Variants in HERPUD2 observed in about 807,000 individuals in gnomAD.
HERPUD2 encodes homocysteine-responsive endoplasmic reticulum-resident ubiquitin-like domain member 2 protein.
In HERPUD2, 13 loss-of-function variants were observed where a neutral mutation model predicts 49.9. The observed-to-expected ratio is 0.26, with a 90% CI of 0.17 to 0.41. The LOEUF (loss-of-function observed/expected upper bound fraction) is 0.41, where lower values mean the gene tolerates loss of function less well. Among genes scored for constraint, HERPUD2 ranks in the 10% least tolerant of loss-of-function variants. The pLI, the probability that HERPUD2 is intolerant of heterozygous loss-of-function variation, is 1.00. For synonymous variants in HERPUD2, 172 were observed against 171.4 expected (o/e 1.00, Z -0.03); for missense variants, 449 against 492.2 (o/e 0.91, Z 0.83).
intron 5 of HERPUD2, among the ~76,000 whole-genome samples, chr7:35,646,986 CAAG>C (rs371104447): frequency 1.4e-4 from 15 of 103,646 alleles, no homozygotes; most frequent in African/African-American, 3.8e-4. Flanking sequence ...AAAAAAAAAC[CAAG>C]AAGGAGAAAG....
chr7:35,654,163 T>C (rs150917218), intron 5 of HERPUD2, among the ~76,000 whole-genome samples: 7 of 150,712 alleles, frequency 4.6e-5, no homozygotes, highest in Middle Eastern at 3.4e-3. Context: ...CCCCAAGAAC[T>C]AGAAAAGCAA....
chr7:35,681,631 C>T (rs1236300096), intron 2 of HERPUD2, among the ~76,000 whole-genome samples: 1 of 151,992 alleles, frequency 6.6e-6, no homozygotes, highest in Admixed American at 6.5e-5. Flanking sequence ...AATATATGCA[C>T]ACACGGAATA....
intron 4 of HERPUD2, among the ~76,000 whole-genome samples, chr7:35,669,312 A>C (rs1458552949): frequency 6.6e-6 from 1 of 152,212 alleles, no homozygotes; most frequent in African/African-American, 2.4e-5. Flanking sequence ...TAAATACAGC[A>C]ACTGGAGAAG....
At chr7:35,666,760 C>G (rs1404555109) in intron 5 of HERPUD2, among the ~76,000 whole-genome samples, 4 of 152,172 alleles carry the variant, frequency 2.6e-5, no homozygotes, top group Admixed American at 2.0e-4. Context: ...AAGGGGCCTG[C>G]TGTAATTGCT....
intron 3 of HERPUD2, among the ~76,000 whole-genome samples, chr7:35,672,446 T>G (rs1004034877): frequency 3.3e-5 from 5 of 151,944 alleles, no homozygotes; most frequent in Non-Finnish European, 5.9e-5. Flanking sequence ...TACTAATATA[T>G]TTTTTTAAAG....
chr7:35,686,196 CTT>C (rs1348780601), intron 2 of HERPUD2, among the ~76,000 whole-genome samples: 1 of 146,102 alleles, frequency 6.8e-6, no homozygotes. Flanking sequence ...TTTTTCTTTT[CTT>C]TTTTTTTTGA....
At chr7:35,665,568 G>A (rs1281826567) in intron 5 of HERPUD2, among the ~76,000 whole-genome samples, 2 of 152,210 alleles carry the variant, frequency 1.3e-5, no homozygotes, top group African/African-American at 4.8e-5. Context: ...GCGCTTCCCA[G>A]GTGAGGCGAT....
At chr7:35,688,943 G>A (rs1583574180) in intron 2 of HERPUD2, among the ~76,000 whole-genome samples, 1 of 151,664 alleles carries the variant, frequency 6.6e-6, no homozygotes, top group African/African-American at 2.4e-5. Context: ...TACATCATAA[G>A]AAGTCTAGGA....
At position 35,694,425 on chromosome 7, in the gene HERPUD2, A is replaced by C; in HGVS notation, c.-95T>G. On this transcript the variant is annotated 5_prime_UTR_variant, in exon 2 of 9. Coordinates refer to ENST00000311350, the MANE Select transcript of HERPUD2 (RefSeq NM_022373.5). ...CCGGCGCGACTGGGATGAGGACAGA[A>C]GTGAGTTCTTAGTATTCCGTGTCCA... 1 of 1,281,120 alleles carries C rather than the reference A, an allele frequency of 7.8e-7. No individual in the cohort carries two copies. Among genetic ancestry groups the C allele is most frequent in the Non-Finnish European group, 1.1e-6 (1 of 888,204 alleles). 79.4% of individuals were successfully genotyped at this position (1,281,120 alleles called of 1,614,324 possible). A position where few individuals can be genotyped will look rare whatever the true frequency, so the allele number is the denominator to read the frequency against.
Position 35,633,528 on chromosome 7 carries a change from C to A in HERPUD2, c.*162G>T. 6.3e-6 allele frequency: 3 copies of A among 476,474 alleles called. No individual in the cohort carries two copies. The highest frequency in any genetic ancestry group is 1.1e-5 in the Non-Finnish European group (3 of 272,096). The allele number at this position is 476,474 out of a possible 1,614,324, so 29.5% of individuals were successfully genotyped here. On this transcript the variant is annotated 3_prime_UTR_variant, in exon 9 of 9. Coordinates refer to ENST00000311350, the MANE Select transcript of HERPUD2 (RefSeq NM_022373.5). ...AAAAAAACTCAGATATTTAGTAGTC[C>A]ATTCGTGCTTAAAATATTCATATGC...
chr7:35,669,451 G>GA (rs1401111752), intron 4 of HERPUD2, among the ~76,000 whole-genome samples: 1 of 152,176 alleles, frequency 6.6e-6, no homozygotes, highest in Non-Finnish European at 1.5e-5. Context: ...CTTAGCAGTA[G>GA]AAAAGTTCCC....
At chr7:35,669,443 T>C (rs982187554) in intron 4 of HERPUD2, among the ~76,000 whole-genome samples, 2 of 152,172 alleles carry the variant, frequency 1.3e-5, no homozygotes, top group Non-Finnish European at 2.9e-5. Flanking sequence ...AAAGCATACT[T>C]AGCAGTAGAA....
In HERPUD2 at chr7:35,634,449, G is replaced by A. The variant is rs1562665666; in HGVS notation, c.942-20C>T. On this transcript the variant is annotated intron_variant, in intron 7 of 8. Coordinates refer to ENST00000311350, the MANE Select transcript of HERPUD2 (RefSeq NM_022373.5). ...TGGTGTCTGTTCAGTAAAATAAAGA[G>A]AAAATAAAATAAGTCACAGTTGTTT... 5 of 1,459,982 alleles carry A rather than the reference G, an allele frequency of 3.4e-6. No individual in the cohort carries two copies. In the South Asian group the frequency reaches 4.6e-5, roughly 14 times the overall value. The allele number at this position is 1,459,982 out of a possible 1,614,324, so 90.4% of individuals were successfully genotyped here. A position where few individuals can be genotyped will look rare whatever the true frequency, so the allele number is the denominator to read the frequency against.
At chr7:35,634,576 C>A in intron 7 of HERPUD2, 147 bp from the exon 8 acceptor site, 1 of 551,996 alleles carries the variant, frequency 1.8e-6, no homozygotes, top group Middle Eastern at 5.0e-4. Context: ...GGACAGGGAA[C>A]TACCCTTTTC....
intron 5 of HERPUD2, among the ~76,000 whole-genome samples, chr7:35,662,043 C>T (rs921651099): frequency 1.4e-4 from 22 of 152,132 alleles, no homozygotes; most frequent in Admixed American, 5.9e-4. Flanking sequence ...TTTTGAGATA[C>T]GTCCCATCAA....
chr7:35,648,721 G>A (rs749332740), intron 5 of HERPUD2, among the ~76,000 whole-genome samples: 1 of 152,038 alleles, frequency 6.6e-6, no homozygotes, highest in Non-Finnish European at 1.5e-5. Flanking sequence ...TGTGTGCCAC[G>A]AAATTACTGA....
In HERPUD2 at chr7:35,633,491, T is replaced by TA. The variant is rs200548311; in HGVS notation, c.*198dup. Reference sequence around the variant, plus strand: ...TTACGCTATGTTCTGTTAGGATCTTTAAAAAAAAAAAAAAAAAACTCAGAT... The same window carrying TA: ...TTACGCTATGTTCTGTTAGGATCTTTAAAAAAAAAAAAAAAAAAACTCAGAT... On this transcript the variant is annotated 3_prime_UTR_variant, in exon 9 of 9. Transcript: ENST00000311350. 58,874 of 283,212 alleles carry TA rather than the reference T, an allele frequency of 0.21. 816 individuals are homozygous for TA. Among genetic ancestry groups the TA allele is most frequent in the South Asian group, 0.29 (4,416 of 15,394 alleles). The allele number at this position is 283,212 out of a possible 1,614,324, so 17.5% of individuals were successfully genotyped here.
At chr7:35,665,854 A>G (rs1235903823) in intron 5 of HERPUD2, among the ~76,000 whole-genome samples, 1 of 152,174 alleles carries the variant, frequency 6.6e-6, no homozygotes, top group Non-Finnish European at 1.5e-5. Context: ...TCTTTTACCA[A>G]TGTATCTATG....
chr7:35,667,594 A>C lies in HERPUD2; in HGVS notation c.340-6T>G, dbSNP rs1172172508. The stretch of plus-strand genomic sequence containing the variant: ...GATCCTGAATGATCTGAACTCTACA[A>C]ATAAAAATGTAATTTTTAAAAGGAG... On this transcript the variant is annotated splice_polypyrimidine_tract_variant and splice_region_variant and intron_variant, in intron 4 of 8. Transcript: ENST00000311350. 1.3e-6 allele frequency: 2 copies of C among 1,588,624 alleles called. No individual in the cohort carries two copies. The highest frequency in any genetic ancestry group is 1.7e-6 in the Non-Finnish European group (2 of 1,159,806).
Sources: gnomAD v4.1 joint callset for allele counts (sites outside exome capture counted in the v4.1 genomes callset) on GRCh38, gnomAD v4.1.1 for gene constraint, MANE v1.5 for transcripts, NCBI Gene and HGNC (gene_info 2026-07-23, HGNC 2026-07-21) for gene names.